Variants in NDRG1 observed in about 807,000 individuals in gnomAD.
NDRG1 encodes the protein protein NDRG1.
A neutral mutation model predicts 56.9 loss-of-function variants in NDRG1; 32 were observed. The observed-to-expected ratio is 0.56, with a 90% CI of 0.42 to 0.76. NDRG1 has a LOEUF of 0.76. NDRG1 is among the 30% of genes least tolerant of loss of function. NDRG1 has a pLI of 0.00. For synonymous variants in NDRG1, 211 were observed against 204.1 expected (o/e 1.03, Z -0.29); for missense variants, 507 against 545.7 (o/e 0.93, Z 0.71).
intron 2 of NDRG1, among the ~76,000 whole-genome samples, chr8:133,282,852 T>C (rs1037293500): frequency 3.3e-5 from 5 of 152,214 alleles, no homozygotes; most frequent in Non-Finnish European, 5.9e-5. Flanking sequence ...TGTGGAATGA[T>C]AAGCAAGCAT....
chr8:133,262,037 G>A lies in NDRG1; in HGVS notation c.326+10C>T. 1 of 1,607,222 alleles carries A rather than the reference G, an allele frequency of 6.2e-7. No individual in the cohort carries two copies. Among genetic ancestry groups the A allele is most frequent in the African/African-American group, 1.3e-5 (1 of 74,642 alleles). On this transcript the variant is annotated intron_variant, in intron 5 of 15. Coordinates refer to ENST00000323851, the MANE Select transcript of NDRG1 (RefSeq NM_006096.4). ...ACCCTGTAGAGCTCATAGGGCAAGA[G>A]GCCTCTCACCCTGCGGGGAAGGAGG...
rs544919807 is a variant in NDRG1 at position 133,284,434 on chromosome 8, C to T, written c.-18-105G>A. On this transcript the variant is annotated intron_variant, in intron 1 of 15. Coordinates refer to ENST00000323851, the MANE Select transcript of NDRG1 (RefSeq NM_006096.4). ...AAGAAGGCCAGGCCTGCGCTCTGCC[C>T]AGCAGCTTCACCTCCCTCGTGATGC... 3 of 977,148 alleles carry T rather than the reference C, an allele frequency of 3.1e-6. No individual in the cohort carries two copies. In the South Asian group the frequency reaches 4.1e-5, roughly 13 times the overall value. The allele number at this position is 977,148 out of a possible 1,614,324, so 60.5% of individuals were successfully genotyped here.
intron 4 of NDRG1, 141 bp downstream of exon 4, chr8:133,264,406 A>T: frequency 2.6e-6 from 2 of 771,228 alleles, no homozygotes; most frequent in Non-Finnish European, 2.2e-6. Context: ...GGCTGTGGCA[A>T]GAGTTCTTCC....
chr8:133,248,620 T>C (rs1053678921), intron 11 of NDRG1, 95 bp downstream of exon 11: 3 of 1,392,490 alleles, frequency 2.2e-6, no homozygotes, highest in African/African-American at 2.8e-5. Context: ...TGACACAATG[T>C]CCTGCCACAC....
At position 133,284,237 on chromosome 8, in the gene NDRG1, A is replaced by T; in HGVS notation, c.63+12T>A. 2 of 1,613,716 alleles carry T rather than the reference A, an allele frequency of 1.2e-6. No homozygotes were observed. The highest frequency in any genetic ancestry group is 1.1e-5 in the South Asian group (1 of 91,070). On this transcript the variant is annotated intron_variant, in intron 2 of 15. Coordinates refer to ENST00000323851, the MANE Select transcript of NDRG1 (RefSeq NM_006096.4). ...TGCCTGTGATGGGGTAGCCAGGAAG[A>T]TCTCCACTCACCTCCCCTTTCTCCA...
chr8:133,258,459 A>T, intron 6 of NDRG1, 33 bp from the exon 7 acceptor site: 1 of 1,593,978 alleles, frequency 6.3e-7, no homozygotes, highest in Non-Finnish European at 8.6e-7. Context: ...ATGTCACACA[A>T]GGACAGAGTG....
chr8:133,262,137 T>C lies in NDRG1; in HGVS notation c.236A>G (p.Tyr79Cys). The C allele has an allele frequency of 6.2e-7, 1 of 1,613,560 alleles. No individual in the cohort carries two copies. Among genetic ancestry groups the C allele is most frequent in the South Asian group, 1.1e-5 (1 of 91,078 alleles). ...CTGGGTGATCTCCTGCATGTCCTCG[T>C]AGTTGAAGAGGGGGTTGTAGCAGGT... ...HKTCYNPLFN[Y>C]EDMQEITQHF... The change falls in exon 5 of 16, where the codon TAC becomes TGC. Residue 79 changes from tyrosine to cysteine, a missense_variant. By Grantham distance (194) the Tyr-to-Cys change is radical (BLOSUM62 -2). Transcript: ENST00000323851.
intron 3 of NDRG1, among the ~76,000 whole-genome samples, chr8:133,272,241 T>G (rs1013322833): frequency 6.6e-6 from 1 of 152,338 alleles, no homozygotes; most frequent in Non-Finnish European, 1.5e-5. Flanking sequence ...GAACCCACGC[T>G]GAAGACCTCA....
chr8:133,251,661 T>A (rs1023805704), intron 9 of NDRG1, among the ~76,000 whole-genome samples: 1 of 152,208 alleles, frequency 6.6e-6, no homozygotes, highest in Non-Finnish European at 1.5e-5. Flanking sequence ...TGTCACACGC[T>A]GTGGAATGAA....
chr8:133,250,678 T>TAA (rs1172940905), intron 9 of NDRG1, 135 bp from the exon 10 acceptor site: 24 of 644,576 alleles, frequency 3.7e-5, no homozygotes, highest in South Asian at 5.6e-5. Context: ...GCGACGGACC[T>TAA]AAAAAAAAAA....
chr8:133,246,517 C>A, intron 13 of NDRG1, 99 bp downstream of exon 13: 2 of 1,188,068 alleles, frequency 1.7e-6, no homozygotes, highest in Non-Finnish European at 1.3e-6. Context: ...AGTTTCTGAT[C>A]GTGTGCCTTG....
At chr8:133,279,717 C>T (rs931477860) in intron 3 of NDRG1, among the ~76,000 whole-genome samples, 9 of 152,218 alleles carry the variant, frequency 5.9e-5, no homozygotes, top group African/African-American at 1.9e-4. Flanking sequence ...ACCCAGCCCT[C>T]GGCTGAGAGA....
chr8:133,284,783 G>C (rs1858011375), intron 1 of NDRG1: 1 of 457,598 alleles, frequency 2.2e-6, no homozygotes, highest in South Asian at 1.5e-5. Flanking sequence ...GCAAGCTTCA[G>C]CCTCACAGTT....
At chr8:133,287,888 T>A (rs1858207668) in intron 1 of NDRG1, among the ~76,000 whole-genome samples, 1 of 152,202 alleles carries the variant, frequency 6.6e-6, no homozygotes, top group Non-Finnish European at 1.5e-5. Flanking sequence ...GGTAACAGTA[T>A]CCAGAAAATG....
chr8:133,241,628 T>C (rs1855386740), intron 15 of NDRG1: 1 of 318,078 alleles, frequency 3.1e-6, no homozygotes, highest in South Asian at 3.0e-5. Context: ...TAAAATAATG[T>C]GTTAGTAATC....
chr8:133,259,264 C>T (rs1449721229), intron 5 of NDRG1, 34 bp from the exon 6 acceptor site: 9 of 1,605,202 alleles, frequency 5.6e-6, no homozygotes, highest in Non-Finnish European at 6.0e-6. Flanking sequence ...TTAGTGAGCG[C>T]CCGGACAGAA....
intron 15 of NDRG1, chr8:133,239,794 C>T (rs924531078): frequency 2.0e-5 from 3 of 153,538 alleles, no homozygotes; most frequent in South Asian, 2.0e-4. Context: ...CCACCTGTAC[C>T]GGGTGGGACA....
intron 5 of NDRG1, among the ~76,000 whole-genome samples, chr8:133,259,864 C>T (rs977953061): frequency 6.6e-5 from 10 of 152,138 alleles, no homozygotes; most frequent in African/African-American, 2.2e-4. Flanking sequence ...AGAGACCTGC[C>T]GTGCTCAGAT....
At chr8:133,255,556 G>A (rs985679550) in intron 8 of NDRG1, 19 of 325,940 alleles carry the variant, frequency 5.8e-5, no homozygotes, top group South Asian at 2.1e-4. Context: ...GAAGCCCAGC[G>A]GGTTGACTGG....
Sources: gnomAD v4.1 joint callset for allele counts (sites outside exome capture counted in the v4.1 genomes callset) on GRCh38, gnomAD v4.1.1 for gene constraint, MANE v1.5 for transcripts, NCBI Gene and HGNC (gene_info 2026-07-23, HGNC 2026-07-21) for gene names.